TSGA10: variants seen among roughly 807,000 people sequenced by gnomAD.
TSGA10 encodes the protein testis-specific gene 10 protein.
Under a neutral mutation model 96.6 loss-of-function variants are expected in TSGA10, and 43 were observed. That is an observed-to-expected ratio of 0.44 (90% CI 0.35 to 0.57). TSGA10 has a LOEUF of 0.57. Among genes scored for constraint, TSGA10 ranks in the 20% least tolerant of loss-of-function variants. TSGA10 has a pLI of 0.01. For missense variants in TSGA10, 703 were observed against 834.4 expected, an observed-to-expected ratio of 0.84 and a Z score of 1.94; for synonymous variants, 229 against 269.9, an observed-to-expected ratio of 0.85 and a Z score of 1.48.
chr2:99,056,415 A>C (rs2083995810), intron 16 of TSGA10, among the ~76,000 whole-genome samples: 1 of 152,180 alleles, frequency 6.6e-6, no homozygotes. Flanking sequence ...GATTATAAAA[A>C]TACACTATAA....
At chr2:99,012,676 A>G (rs1373964563) in intron 20 of TSGA10, among the ~76,000 whole-genome samples, 2 of 152,236 alleles carry the variant, frequency 1.3e-5, no homozygotes, top group East Asian at 3.8e-4. Flanking sequence ...TCTCAAATTT[A>G]GAAAACAATG....
intron 18 of TSGA10, among the ~76,000 whole-genome samples, chr2:99,019,952 A>C (rs549251380): frequency 1.3e-5 from 2 of 152,336 alleles, no homozygotes; most frequent in East Asian, 3.9e-4. Context: ...CTAGGTTGCA[A>C]TATATTGGTC....
chr2:99,020,919 T>C (rs1158421195), intron 17 of TSGA10, among the ~76,000 whole-genome samples: 1 of 150,112 alleles, frequency 6.7e-6, no homozygotes, highest in East Asian at 1.9e-4. Flanking sequence ...TAATCTCTTA[T>C]AGTCTCTTAA....
At chr2:99,050,000 C>G (rs1356807098) in intron 16 of TSGA10, among the ~76,000 whole-genome samples, 1 of 152,034 alleles carries the variant, frequency 6.6e-6, no homozygotes, top group Non-Finnish European at 1.5e-5. Context: ...TAAGATGATA[C>G]AAATATAATT....
At chr2:99,098,030 C>T (rs1406206713) in intron 10 of TSGA10, among the ~76,000 whole-genome samples, 1 of 152,040 alleles carries the variant, frequency 6.6e-6, no homozygotes, top group Non-Finnish European at 1.5e-5. Context: ...AAAAAATTGA[C>T]AGGTCTCCAA....
At chr2:99,006,493 C>A (rs1466567851) in intron 20 of TSGA10, among the ~76,000 whole-genome samples, 17 of 152,122 alleles carry the variant, frequency 1.1e-4, no homozygotes, top group Non-Finnish European at 1.5e-5. Context: ...AGGATATGAA[C>A]AGATACTTCT....
At chr2:99,078,573 T>C (rs181690863) in intron 12 of TSGA10, 86 bp downstream of exon 12, 16,995 of 1,313,372 alleles carry the variant, frequency 0.013, 126 homozygotes, top group Non-Finnish European at 0.014. Flanking sequence ...AAATATTTTA[T>C]TCAGATTCTA....
intron 10 of TSGA10, among the ~76,000 whole-genome samples, chr2:99,095,415 A>G (rs150053482): frequency 0.011 from 1,684 of 152,308 alleles, 17 homozygotes; most frequent in Middle Eastern, 0.027. Flanking sequence ...ATAAAATAAA[A>G]TAAAAAATAA....
At chr2:99,150,473 T>G (rs2093681632) in intron 1 of TSGA10, 2 of 1,453,678 alleles carry the variant, frequency 1.4e-6, no homozygotes, top group Admixed American at 2.3e-5. Flanking sequence ...ACTTTTTTTT[T>G]TTTTTTCAGT....
intron 16 of TSGA10, among the ~76,000 whole-genome samples, chr2:99,042,133 T>C (rs1243220338): frequency 1.3e-5 from 2 of 151,302 alleles, no homozygotes; most frequent in East Asian, 3.9e-4. Flanking sequence ...ACCTCTCTGG[T>C]TGAAAATGAC....
chr2:99,120,961 C>G lies in TSGA10; in HGVS notation c.-491-2275G>C, dbSNP rs145630753. ...GATTGCTTTCTTTCACTCAGCACAG[C>G]GTCCTTTAGATCCACGCAAGTTGTT... On this transcript the variant is annotated intron_variant, in intron 2 of 20. Transcript: ENST00000393483. Among the ~76,000 whole-genome samples, 128 of 152,268 alleles carry G rather than the reference C, an allele frequency of 8.4e-4. 1 individual carries two copies. In the East Asian group the frequency reaches 0.02, roughly 24 times the overall value.
intron 4 of TSGA10, among the ~76,000 whole-genome samples, chr2:99,116,959 A>C (rs1410470534): frequency 6.6e-6 from 1 of 152,232 alleles, no homozygotes; most frequent in Non-Finnish European, 1.5e-5. Flanking sequence ...CTGTGCCATC[A>C]AACACTAGAA....
chr2:99,063,814 TA>T (rs2084955356), intron 16 of TSGA10, among the ~76,000 whole-genome samples: 1 of 151,666 alleles, frequency 6.6e-6, no homozygotes, highest in South Asian at 2.1e-4. Flanking sequence ...CAAAAAAATA[TA>T]TATATATGAA....
chr2:99,129,514 G>A (rs1198589105), intron 1 of TSGA10, among the ~76,000 whole-genome samples: 1 of 152,178 alleles, frequency 6.6e-6, no homozygotes, highest in Non-Finnish European at 1.5e-5. Context: ...AAGTCCACCT[G>A]ACAATCCTAA....
chr2:99,057,382 T>C (rs532952504), intron 16 of TSGA10, among the ~76,000 whole-genome samples: 1 of 152,284 alleles, frequency 6.6e-6, no homozygotes, highest in South Asian at 2.1e-4. Flanking sequence ...ACTTTTAGAC[T>C]TAATAAATAA....
intron 16 of TSGA10, among the ~76,000 whole-genome samples, chr2:99,060,224 G>A (rs1289730619): frequency 2.6e-5 from 4 of 151,878 alleles, no homozygotes; most frequent in African/African-American, 9.7e-5. Flanking sequence ...AGAATAAAAG[G>A]TCACAAAATT....
At chr2:99,122,541 G>C (rs1434259687) in intron 2 of TSGA10, among the ~76,000 whole-genome samples, 1 of 150,370 alleles carries the variant, frequency 6.7e-6, no homozygotes, top group Non-Finnish European at 1.5e-5. Context: ...GACTTTGGGA[G>C]GCTGAGGCAG....
chr2:99,046,374 T>G (rs1248170551), intron 16 of TSGA10, among the ~76,000 whole-genome samples: 1 of 152,130 alleles, frequency 6.6e-6, no homozygotes, highest in Non-Finnish European at 1.5e-5. Flanking sequence ...ACAAACTGTC[T>G]CTCAGACCAC....
At chr2:99,006,182 T>C (rs2078452370) in intron 20 of TSGA10, among the ~76,000 whole-genome samples, 1 of 152,128 alleles carries the variant, frequency 6.6e-6, no homozygotes, top group Non-Finnish European at 1.5e-5. Context: ...CCTAAAACCA[T>C]AAAAACCTTA....
Sources: gnomAD v4.1 joint callset for allele counts (sites outside exome capture counted in the v4.1 genomes callset) on GRCh38, gnomAD v4.1.1 for gene constraint, MANE v1.5 for transcripts, NCBI Gene and HGNC (gene_info 2026-07-23, HGNC 2026-07-21) for gene names.